Variants in NOVA1 observed in about 807,000 individuals in gnomAD.
NOVA1 encodes NOVA alternative splicing regulator 1, also known as RNA-binding protein Nova-1.
In NOVA1, 7 loss-of-function variants were observed where a neutral mutation model predicts 38.0. The ratio of observed to expected loss-of-function variants is 0.18; its 90% CI spans 0.10 to 0.35. NOVA1 has a LOEUF of 0.35. NOVA1 is among the 10% of genes least tolerant of loss of function. The pLI is 1.00. For missense variants in NOVA1, 460 were observed against 616.0 expected (o/e 0.75, Z 2.68); for synonymous variants, 270 against 232.5 (o/e 1.16, Z -1.47).
At chr14:26,568,199 T>C (rs1456695559) in intron 2 of NOVA1, among the ~76,000 whole-genome samples, 2 of 152,214 alleles carry the variant, frequency 1.3e-5, no homozygotes, top group Non-Finnish European at 2.9e-5. Flanking sequence ...AGATCTTCTT[T>C]CTCAAAATTC....
At chr14:26,465,096 T>TTA (rs1196443515) in intron 4 of NOVA1, among the ~76,000 whole-genome samples, 2 of 152,232 alleles carry the variant, frequency 1.3e-5, no homozygotes, top group African/African-American at 4.8e-5. Flanking sequence ...TAGGACCTTC[T>TTA]TATATATTTC....
Position 26,597,512 on chromosome 14 carries a change from T to A in NOVA1, c.-76A>T. The stretch of plus-strand genomic sequence containing the variant: ...GGCTTTTTCTTTTCTTTTTTCTTTT[T>A]TTTTTTTTTTTTTTTTTGCGTTTGG... On this transcript the variant is annotated 5_prime_UTR_variant, in exon 1 of 5. Coordinates refer to ENST00000539517, the MANE Select transcript of NOVA1 (RefSeq NM_002515.3). The A allele has an allele frequency of 9.0e-7, 1 of 1,115,868 alleles. No homozygotes were observed. Among genetic ancestry groups the A allele is most frequent in the African/African-American group, 1.7e-5 (1 of 59,212 alleles). The allele number at this position is 1,115,868 out of a possible 1,614,324, so 69.1% of individuals were successfully genotyped here. A position where few individuals can be genotyped will look rare whatever the true frequency, so the allele number is the denominator to read the frequency against.
intron 2 of NOVA1, among the ~76,000 whole-genome samples, chr14:26,589,130 A>C (rs1252220291): frequency 2.0e-5 from 3 of 151,696 alleles, no homozygotes; most frequent in Non-Finnish European, 3.0e-5. Context: ...ACTGCTTTAC[A>C]AAGACTTCAA....
At chr14:26,517,734 T>C (rs1170694990) in intron 2 of NOVA1, among the ~76,000 whole-genome samples, 2 of 152,122 alleles carry the variant, frequency 1.3e-5, no homozygotes, top group African/African-American at 4.8e-5. Flanking sequence ...AAACAGTAAA[T>C]ATCTGAAGAA....
intron 4 of NOVA1, among the ~76,000 whole-genome samples, chr14:26,450,075 T>C (rs908184657): frequency 1.3e-5 from 2 of 152,154 alleles, no homozygotes; most frequent in East Asian, 1.9e-4. Context: ...CTTGTGATTG[T>C]TGTGTTACTG....
intron 2 of NOVA1, among the ~76,000 whole-genome samples, chr14:26,529,417 C>T (rs1889541019): frequency 6.6e-6 from 1 of 152,134 alleles, no homozygotes; most frequent in Admixed American, 6.5e-5. Context: ...GGATTACAGG[C>T]ATGAGTCACC....
chr14:26,493,194 AG>A (rs1886489377), intron 2 of NOVA1, among the ~76,000 whole-genome samples: 1 of 152,194 alleles, frequency 6.6e-6, no homozygotes, highest in Admixed American at 6.5e-5. Flanking sequence ...TAAGAGTTAT[AG>A]GGGCTAATAG....
At chr14:26,472,936 A>T (rs896753099) in intron 3 of NOVA1, among the ~76,000 whole-genome samples, 1 of 152,016 alleles carries the variant, frequency 6.6e-6, no homozygotes, top group African/African-American at 2.4e-5. Flanking sequence ...TGAAGTTCTG[A>T]GTTCTTAATA....
chr14:26,457,076 C>T (rs1883242503), intron 4 of NOVA1, among the ~76,000 whole-genome samples: 1 of 151,786 alleles, frequency 6.6e-6, no homozygotes, highest in Non-Finnish European at 1.5e-5. Context: ...TTCAGATGAG[C>T]TTTTTTCTCT....
intron 2 of NOVA1, among the ~76,000 whole-genome samples, chr14:26,524,774 C>T (rs2138520057): frequency 6.6e-6 from 1 of 152,240 alleles, no homozygotes; most frequent in East Asian, 1.9e-4. Flanking sequence ...GAAGAGCCCC[C>T]AAGGGCATAA....
chr14:26,565,062 T>C (rs1317492860), intron 2 of NOVA1, among the ~76,000 whole-genome samples: 2 of 152,142 alleles, frequency 1.3e-5, no homozygotes, highest in Non-Finnish European at 2.9e-5. Context: ...AGATAAAACT[T>C]AAGAGCTATT....
intron 2 of NOVA1, among the ~76,000 whole-genome samples, chr14:26,499,948 T>A (rs1033665079): frequency 2.0e-5 from 3 of 152,144 alleles, no homozygotes; most frequent in African/African-American, 7.2e-5. Flanking sequence ...TCTTCCTGGC[T>A]AGTTTCCTAG....
chr14:26,447,163 G>C lies in NOVA1; in HGVS notation c.*796C>G, dbSNP rs1188696153. On this transcript the variant is annotated 3_prime_UTR_variant, in exon 5 of 5. Coordinates refer to ENST00000539517, the MANE Select transcript of NOVA1 (RefSeq NM_002515.3). ...CCACAGTTATGTGTCTAAACAGTGA[G>C]GATGTTAATGGAGTAATGACTGTTC... is the stretch of plus-strand genomic sequence containing the variant. The C allele has an allele frequency of 6.6e-6, 1 of 152,660 alleles. No individual in the cohort carries two copies. The highest frequency in any genetic ancestry group is 6.5e-5 in the Admixed American group (1 of 15,282). 9.5% of individuals were successfully genotyped at this position (152,660 alleles called of 1,614,324 possible). A position where few individuals can be genotyped will look rare whatever the true frequency, so the allele number is the denominator to read the frequency against.
At chr14:26,476,124 T>C (rs1275958858) in intron 3 of NOVA1, among the ~76,000 whole-genome samples, 1 of 152,168 alleles carries the variant, frequency 6.6e-6, no homozygotes, top group African/African-American at 2.4e-5. Context: ...GAATAAAATA[T>C]TTAAATATTT....
At chr14:26,596,766 T>C (rs1894215906) in intron 1 of NOVA1, 2 of 1,248,924 alleles carry the variant, frequency 1.6e-6, no homozygotes, top group African/African-American at 1.5e-5. Flanking sequence ...ACAATCTAAG[T>C]GCGGTAAGGG....
At chr14:26,595,926 G>A (rs759181139) in intron 1 of NOVA1, 6 of 404,656 alleles carry the variant, frequency 1.5e-5, no homozygotes, top group Non-Finnish European at 2.9e-5. Flanking sequence ...AGGTTTATAA[G>A]ATGACAAACC....
chr14:26,589,422 T>C (rs955325134), intron 2 of NOVA1, among the ~76,000 whole-genome samples: 1 of 151,748 alleles, frequency 6.6e-6, no homozygotes, highest in African/African-American at 2.4e-5. Context: ...TAAATTTTAA[T>C]TTACTTGTAA....
chr14:26,453,195 TG>T (rs1408907339), intron 4 of NOVA1, among the ~76,000 whole-genome samples: 7,241 of 77,606 alleles, frequency 0.093, 578 homozygotes, highest in African/African-American at 0.23. Flanking sequence ...TATGTATGTA[TG>T]TATGTATGTA....
intron 2 of NOVA1, among the ~76,000 whole-genome samples, chr14:26,536,481 A>T (rs924590091): frequency 6.6e-6 from 1 of 152,092 alleles, no homozygotes. Context: ...CTCCATAAAT[A>T]TATACACCTA....
Sources: gnomAD v4.1 joint callset for allele counts (sites outside exome capture counted in the v4.1 genomes callset) on GRCh38, gnomAD v4.1.1 for gene constraint, MANE v1.5 for transcripts, NCBI Gene and HGNC (gene_info 2026-07-23, HGNC 2026-07-21) for gene names.